TIAM1: variants seen among roughly 807,000 people sequenced by gnomAD.
TIAM1 encodes TIAM Rac1 associated GEF 1.
Under a neutral mutation model 163.5 loss-of-function variants are expected in TIAM1, and 65 were observed. That is an observed-to-expected ratio of 0.40 (90% CI 0.33 to 0.49). The LOEUF (loss-of-function observed/expected upper bound fraction) is 0.49. TIAM1 is among the 20% of genes least tolerant of loss of function. The pLI, the probability that TIAM1 is intolerant of heterozygous loss-of-function variation, is 0.77. For synonymous variants in TIAM1, 833 were observed against 810.1 expected (o/e 1.03, Z -0.48); for missense variants, 1,789 against 2,044.7 (o/e 0.87, Z 2.41).
intron 15 of TIAM1, among the ~76,000 whole-genome samples, chr21:31,171,035 C>CAAAAAAAAAAAAAAA (rs34291568): frequency 2.0e-4 from 4 of 19,568 alleles, no homozygotes; most frequent in African/African-American, 4.0e-4. Flanking sequence ...GACTCCATCT[C>CAAAAAAAAAAAAAAA]AAAAAAAAAA....
intron 2 of TIAM1, among the ~76,000 whole-genome samples, chr21:31,412,010 G>T (rs1301000518): frequency 6.6e-6 from 1 of 152,172 alleles, no homozygotes; most frequent in South Asian, 2.1e-4. Flanking sequence ...AGGATTCACA[G>T]TAGCAACGAT....
At chr21:31,321,114 C>T (rs9976903) in intron 2 of TIAM1, among the ~76,000 whole-genome samples, 24,475 of 151,580 alleles carry the variant, frequency 0.16, 2,054 homozygotes, top group Middle Eastern at 0.2. Context: ...ATTGTGCTAC[C>T]GCGCTCCAGC....
chr21:31,134,922 A>G (rs899756202), intron 23 of TIAM1, among the ~76,000 whole-genome samples: 2 of 152,200 alleles, frequency 1.3e-5, no homozygotes, highest in African/African-American at 2.4e-5. Context: ...ACAAAGTCCA[A>G]TGGATCTTTG....
At chr21:31,408,431 C>T (rs2284510) in intron 2 of TIAM1, among the ~76,000 whole-genome samples, 7,403 of 152,180 alleles carry the variant, frequency 0.049, 217 homozygotes, top group East Asian at 0.097. Flanking sequence ...GTTCAAATTA[C>T]GGACTCTCTT....
intron 1 of TIAM1, among the ~76,000 whole-genome samples, chr21:31,523,456 T>C (rs1439282285): frequency 6.6e-6 from 1 of 152,148 alleles, no homozygotes; most frequent in East Asian, 1.9e-4. Context: ...ATTTTGAAAG[T>C]GAGGAAGGAA....
At chr21:31,399,124 T>C (rs2077122551) in intron 2 of TIAM1, among the ~76,000 whole-genome samples, 1 of 152,186 alleles carries the variant, frequency 6.6e-6, no homozygotes, top group Non-Finnish European at 1.5e-5. Context: ...TTGGTTGCTT[T>C]ACTCATTTAT....
intron 2 of TIAM1, among the ~76,000 whole-genome samples, chr21:31,456,935 A>G (rs2045126440): frequency 6.6e-6 from 1 of 152,176 alleles, no homozygotes; most frequent in Admixed American, 6.5e-5. Flanking sequence ...ATCAGGATCC[A>G]TACAAGACCC....
chr21:31,295,199 G>C (rs144198141), intron 2 of TIAM1, among the ~76,000 whole-genome samples: 4 of 152,164 alleles, frequency 2.6e-5, no homozygotes, highest in Non-Finnish European at 4.4e-5. Flanking sequence ...GGCCAGGTGC[G>C]GTGGCTTACG....
At chr21:31,240,084 C>T (rs867189585) in intron 6 of TIAM1, among the ~76,000 whole-genome samples, 9 of 152,118 alleles carry the variant, frequency 5.9e-5, no homozygotes, top group Non-Finnish European at 1.0e-4. Context: ...CTCAAATGTA[C>T]CTATGGAATG....
chr21:31,469,471 T>C lies in TIAM1; in HGVS notation c.-421-5436A>G, dbSNP rs536224509. On this transcript the variant is annotated intron_variant, in intron 1 of 28. Transcript: ENST00000286827. The stretch of plus-strand genomic sequence containing the variant: ...TCTTCTGTCACCTGTGAGTGTGCGA[T>C]ATACTTTCCTGCCAAGCCTCTGACT... 8.5e-5 allele frequency among the ~76,000 whole-genome samples: 13 copies of C among 152,220 alleles called. No individual in the cohort carries two copies. In the South Asian group the frequency reaches 2.7e-3, roughly 32 times the overall value.
chr21:31,144,830 G>GAAAAAA (rs764835303), intron 20 of TIAM1, among the ~76,000 whole-genome samples: 801 of 72,416 alleles, frequency 0.011, no homozygotes, highest in East Asian at 0.019. Context: ...CTCCATCTCA[G>GAAAAAA]AAAAAAAAAA....
intron 2 of TIAM1, among the ~76,000 whole-genome samples, chr21:31,394,231 T>C (rs2147201900): frequency 6.6e-6 from 1 of 152,250 alleles, no homozygotes; most frequent in Admixed American, 6.5e-5. Context: ...GACATATTAC[T>C]AAGTGAAAGA....
chr21:31,350,776 A>G, intron 2 of TIAM1, among the ~76,000 whole-genome samples: 1 of 152,198 alleles, frequency 6.6e-6, no homozygotes. Flanking sequence ...TCTTTTCTTT[A>G]TAAATTACCC....
At chr21:31,392,347 G>T (rs931935678) in intron 2 of TIAM1, among the ~76,000 whole-genome samples, 1 of 152,052 alleles carries the variant, frequency 6.6e-6, no homozygotes, top group Admixed American at 6.6e-5. Flanking sequence ...GAGGCGGGTA[G>T]ATCACCTGAG....
intron 10 of TIAM1, chr21:31,212,607 T>C (rs2086937975): frequency 1.6e-5 from 1 of 61,922 alleles, no homozygotes; most frequent in South Asian, 4.5e-4. Context: ...CCTGTGAATC[T>C]TTTTTTTTTT....
chr21:31,201,062 T>A (rs1037697097), intron 12 of TIAM1, among the ~76,000 whole-genome samples: 1 of 152,194 alleles, frequency 6.6e-6, no homozygotes, highest in Non-Finnish European at 1.5e-5. Flanking sequence ...AAAAACTATG[T>A]CTGAAGTACC....
At chr21:31,427,565 C>T (rs1161777765) in intron 2 of TIAM1, among the ~76,000 whole-genome samples, 7 of 152,124 alleles carry the variant, frequency 4.6e-5, no homozygotes, top group East Asian at 3.9e-4. Flanking sequence ...TGGAGCCAGA[C>T]GCAGTGGCTA....
intron 14 of TIAM1, among the ~76,000 whole-genome samples, chr21:31,186,142 A>C (rs1004851598): frequency 1.3e-5 from 2 of 152,228 alleles, no homozygotes; most frequent in African/African-American, 4.8e-5. Context: ...GGGGTTCCCC[A>C]AGTAGCCCAA....
intron 2 of TIAM1, among the ~76,000 whole-genome samples, chr21:31,420,497 A>T (rs932020716): frequency 6.6e-6 from 1 of 152,240 alleles, no homozygotes; most frequent in African/African-American, 2.4e-5. Flanking sequence ...AAAGAGTCTA[A>T]AGGTGAGTAC....
Sources: gnomAD v4.1 joint callset for allele counts (sites outside exome capture counted in the v4.1 genomes callset) on GRCh38, gnomAD v4.1.1 for gene constraint, MANE v1.5 for transcripts, NCBI Gene and HGNC (gene_info 2026-07-23, HGNC 2026-07-21) for gene names.